XRCC5: variants seen among roughly 807,000 people sequenced by gnomAD.
XRCC5 encodes the protein X-ray repair cross complementing 5, also known as DNA repair protein Ku80.
Under a neutral mutation model 95.7 loss-of-function variants are expected in XRCC5, and 12 were observed. The observed-to-expected ratio is 0.13, with a 90% CI of 0.08 to 0.20. The LOEUF is 0.20. XRCC5 is among the 10% of genes least tolerant of loss of function. The pLI is 1.00. For synonymous variants in XRCC5, 281 were observed against 290.3 expected, an observed-to-expected ratio of 0.97 and a Z score of 0.33; for missense variants, 595 against 873.9, an observed-to-expected ratio of 0.68 and a Z score of 4.02.
intron 3 of XRCC5, chr2:216,117,130 A>T: frequency 2.7e-6 from 1 of 365,248 alleles, no homozygotes; most frequent in Non-Finnish European, 5.0e-6. Context: ...GTGAGCATTG[A>T]CTATATGCAG....
At chr2:216,168,647 G>GT (rs1261866062) in intron 16 of XRCC5, among the ~76,000 whole-genome samples, 1 of 152,156 alleles carries the variant, frequency 6.6e-6, no homozygotes, top group Admixed American at 6.5e-5. Flanking sequence ...AGAGAAATGT[G>GT]TGGTAGCATA....
chr2:216,126,048 C>T lies in XRCC5; in HGVS notation c.798+17C>T, dbSNP rs771814924. 2.4e-5 allele frequency: 38 copies of T among 1,583,042 alleles called. No homozygotes were observed. The highest frequency in any genetic ancestry group is 3.1e-5 in the Non-Finnish European group (36 of 1,152,738). On this transcript the variant is annotated intron_variant, in intron 7 of 20. Coordinates refer to ENST00000392132, the MANE Select transcript of XRCC5 (RefSeq NM_021141.4). ...TATAAATCGGTAAGTGGCAGGTACA[C>T]ATTTTTAACAGAAATGTTACCAGGC...
intron 6 of XRCC5, among the ~76,000 whole-genome samples, chr2:216,124,669 G>T (rs1040458823): frequency 6.6e-6 from 1 of 152,136 alleles, no homozygotes; most frequent in Non-Finnish European, 1.5e-5. Flanking sequence ...AGTCTCTTGC[G>T]ACCTGTCTGT....
intron 14 of XRCC5, among the ~76,000 whole-genome samples, chr2:216,155,614 T>C (rs1425629088): frequency 1.3e-5 from 2 of 152,170 alleles, no homozygotes; most frequent in Non-Finnish European, 1.5e-5. Flanking sequence ...TCTGTAAACA[T>C]GGTAGATCCA....
At chr2:216,131,268 C>T in intron 9 of XRCC5, 1 of 985,096 alleles carries the variant, frequency 1.0e-6, no homozygotes, top group Non-Finnish European at 1.2e-6. Context: ...TTATGTGGGC[C>T]TAACCCTCAT....
intron 14 of XRCC5, among the ~76,000 whole-genome samples, chr2:216,158,752 A>C (rs1688893976): frequency 6.6e-6 from 1 of 152,162 alleles, no homozygotes; most frequent in African/African-American, 2.4e-5. Context: ...AAATAGTGAA[A>C]ATTTTAATTC....
At chr2:216,114,944 G>T (rs1322982273) in intron 2 of XRCC5, among the ~76,000 whole-genome samples, 1 of 152,106 alleles carries the variant, frequency 6.6e-6, no homozygotes, top group African/African-American at 2.4e-5. Flanking sequence ...ATTAATTCGG[G>T]CTGCTCAAGG....
intron 2 of XRCC5, 48 bp from the exon 3 acceptor site, chr2:216,116,611 T>C (rs551497930): frequency 6.2e-7 from 1 of 1,609,666 alleles, no homozygotes; most frequent in South Asian, 1.1e-5. Context: ...TTTTATTGCT[T>C]CCAGATTGTT....
intron 5 of XRCC5, among the ~76,000 whole-genome samples, chr2:216,119,766 A>G (rs1696773851): frequency 6.6e-6 from 1 of 152,228 alleles, no homozygotes; most frequent in Non-Finnish European, 1.5e-5. Context: ...TAGGGAGAGA[A>G]TTCCTCCTCA....
rs3770509 is a variant in XRCC5, at chr2:216,166,493, A to G, written c.1834+4445A>G. On this transcript the variant is annotated intron_variant, in intron 16 of 20. Coordinates refer to ENST00000392132, the MANE Select transcript of XRCC5 (RefSeq NM_021141.4). ...GTTATGAAAGTAGGGTTGTTTCCCT[A>G]CATACACTATTCATAAGCACATCAT... is the stretch of plus-strand genomic sequence containing the variant. Among the ~76,000 whole-genome samples, 84 of 152,308 alleles carry G rather than the reference A, an allele frequency of 5.5e-4. 2 individuals carry two copies. The East Asian group carries it at 0.015, about 28-fold the overall frequency.
chr2:216,126,963 A>G (rs1696909248), intron 7 of XRCC5, among the ~76,000 whole-genome samples: 1 of 151,980 alleles, frequency 6.6e-6, no homozygotes. Context: ...TTTTTATTAA[A>G]CAGTCTGGCT....
intron 13 of XRCC5, among the ~76,000 whole-genome samples, chr2:216,143,839 T>G (rs1220521846): frequency 6.6e-6 from 1 of 151,748 alleles, no homozygotes; most frequent in African/African-American, 2.4e-5. Flanking sequence ...CCCGAGTAGC[T>G]GGGACTACAG....
chr2:216,181,323 C>A (rs1689382487), intron 16 of XRCC5, among the ~76,000 whole-genome samples: 1 of 152,090 alleles, frequency 6.6e-6, no homozygotes, highest in Non-Finnish European at 1.5e-5. Context: ...TATGTTTGTA[C>A]AGATTTAAGT....
At position 216,119,024 on chromosome 2, in the gene XRCC5, T is replaced by C. The variant is rs1696752734; in HGVS notation, c.369-19T>C. 1 of 1,611,636 alleles carries C rather than the reference T, an allele frequency of 6.2e-7. No homozygotes were observed. Among genetic ancestry groups the C allele is most frequent in the Non-Finnish European group, 8.5e-7 (1 of 1,178,260 alleles). ...AATTCAGGAGAATGATTTCTTAATA[T>C]GATAACTCTCTCTTTTAGAGGAAAG... On this transcript the variant is annotated intron_variant, in intron 4 of 20. Coordinates refer to ENST00000392132, the MANE Select transcript of XRCC5 (RefSeq NM_021141.4).
chr2:216,141,557 TTTTTTTTTTC>T (rs1232224636), intron 13 of XRCC5, among the ~76,000 whole-genome samples: 24 of 56,246 alleles, frequency 4.3e-4, no homozygotes, highest in East Asian at 2.8e-3. Flanking sequence ...TTTTTTTTTT[TTTTTTTTTTC>T]CTGGAAGAAG....
In XRCC5 at chr2:216,117,729, A is replaced by G. The variant is rs28371548; in HGVS notation, c.320-17A>G. The G allele has an allele frequency of 0.04, 63,778 of 1,613,356 alleles. 1,476 individuals carry two copies. The highest frequency in any genetic ancestry group is 0.047 in the Non-Finnish European group (55,410 of 1,179,294). ...GAAGAGACTGTTTGGTGATATCCCT[A>G]TCCTTAACTAGCTGAGTCCTGGATG... is the stretch of plus-strand genomic sequence containing the variant. On this transcript the variant is annotated splice_polypyrimidine_tract_variant and intron_variant, in intron 3 of 20. Coordinates refer to ENST00000392132, the MANE Select transcript of XRCC5 (RefSeq NM_021141.4).
intron 19 of XRCC5, among the ~76,000 whole-genome samples, chr2:216,201,265 C>G (rs1689828678): frequency 1.3e-5 from 2 of 152,148 alleles, no homozygotes; most frequent in Admixed American, 6.5e-5. Flanking sequence ...AGGCAAAGTA[C>G]ATGCAAACTG....
At chr2:216,109,581 G>A (rs1559234333) in intron 1 of XRCC5, 124 bp downstream of exon 1, 15 of 1,434,280 alleles carry the variant, frequency 1.0e-5, no homozygotes, top group Non-Finnish European at 1.4e-5. Context: ...TCATGGTGGT[G>A]GGCTCAGTCA....
At chr2:216,139,001 T>C (rs939980062) in intron 12 of XRCC5, among the ~76,000 whole-genome samples, 10 of 152,158 alleles carry the variant, frequency 6.6e-5, no homozygotes, top group African/African-American at 2.4e-4. Context: ...CCCTAGGGCC[T>C]GTATCTTTAT....
Sources: gnomAD v4.1 joint callset for allele counts (sites outside exome capture counted in the v4.1 genomes callset) on GRCh38, gnomAD v4.1.1 for gene constraint, MANE v1.5 for transcripts, NCBI Gene and HGNC (gene_info 2026-07-23, HGNC 2026-07-21) for gene names.